Variants in SPEF2 observed in about 807,000 individuals in gnomAD.
The protein encoded by SPEF2 is sperm flagellar and cilia associated 2, also known as sperm flagella and cilia-associated protein 2.
In SPEF2, 187 loss-of-function variants were observed where a neutral mutation model predicts 224.6. That is an observed-to-expected ratio of 0.83 (90% CI 0.74 to 0.94). The LOEUF is 0.94. Among genes scored for constraint, SPEF2 ranks in the 40% least tolerant of loss-of-function variants. SPEF2 has a pLI of 0.00. For missense variants in SPEF2, 2,170 were observed against 2,135.6 expected, an observed-to-expected ratio of 1.02 and a Z score of -0.32; for synonymous variants, 715 against 707.3, an observed-to-expected ratio of 1.01 and a Z score of -0.17.
chr5:35,772,634 G>A (rs553459346), intron 27 of SPEF2, among the ~76,000 whole-genome samples: 1 of 152,188 alleles, frequency 6.6e-6, no homozygotes, highest in East Asian at 1.9e-4. Context: ...GGAAGGAGTG[G>A]GTCAGTGGCA....
chr5:35,731,365 A>C (rs1745614976), intron 21 of SPEF2, among the ~76,000 whole-genome samples: 2 of 152,354 alleles, frequency 1.3e-5, no homozygotes, highest in South Asian at 4.1e-4. Flanking sequence ...AGAAACAGAC[A>C]AGCACACAAA....
chr5:35,760,280 A>G (rs1027930071), intron 25 of SPEF2, among the ~76,000 whole-genome samples: 2 of 151,678 alleles, frequency 1.3e-5, no homozygotes, highest in South Asian at 2.1e-4. Flanking sequence ...GGAGAATGGC[A>G]TGAACCTGGG....
chr5:35,776,743 A>G (rs1186765496), intron 29 of SPEF2, among the ~76,000 whole-genome samples: 1 of 152,192 alleles, frequency 6.6e-6, no homozygotes, highest in Non-Finnish European at 1.5e-5. Flanking sequence ...ATACTTTTCC[A>G]ATGGTAGATT....
chr5:35,673,849 G>C (rs1359418746), intron 10 of SPEF2, among the ~76,000 whole-genome samples: 4 of 152,110 alleles, frequency 2.6e-5, no homozygotes, highest in Non-Finnish European at 2.9e-5. Context: ...TTTAACATGT[G>C]TACGCCTGTC....
intron 23 of SPEF2, among the ~76,000 whole-genome samples, chr5:35,744,446 C>T (rs1377596079): frequency 6.6e-6 from 1 of 152,178 alleles, no homozygotes; most frequent in Admixed American, 6.5e-5. Flanking sequence ...TCAATTATTT[C>T]ATTCCAATCC....
At chr5:35,684,295 A>G (rs1302239217) in intron 10 of SPEF2, among the ~76,000 whole-genome samples, 3 of 151,868 alleles carry the variant, frequency 2.0e-5, no homozygotes, top group Admixed American at 1.3e-4. Context: ...GCTTACCTTG[A>G]CTCAGCCTTT....
intron 20 of SPEF2, among the ~76,000 whole-genome samples, chr5:35,724,398 T>C (rs1744280010): frequency 1.3e-5 from 2 of 152,138 alleles, no homozygotes; most frequent in Admixed American, 1.3e-4. Context: ...TTACCAGAAA[T>C]TTTCCAAAAA....
At chr5:35,695,302 C>T (rs1259768378) in intron 13 of SPEF2, among the ~76,000 whole-genome samples, 1 of 150,622 alleles carries the variant, frequency 6.6e-6, no homozygotes, top group African/African-American at 2.4e-5. Context: ...CTTAAAACAC[C>T]TCTGACTTCT....
intron 6 of SPEF2, 26 bp from the exon 7 acceptor site, chr5:35,654,514 T>A: frequency 6.6e-7 from 1 of 1,515,560 alleles, no homozygotes; most frequent in Non-Finnish European, 8.8e-7. Context: ...TATTTAAAAA[T>A]CTAAAATAAA....
chr5:35,631,485 G>C (rs1745123801), intron 2 of SPEF2, among the ~76,000 whole-genome samples: 2 of 152,160 alleles, frequency 1.3e-5, no homozygotes, highest in African/African-American at 4.8e-5. Context: ...TAAGGACATG[G>C]AGAAATCAAA....
chr5:35,703,972 T>C (rs1468598755), intron 16 of SPEF2, among the ~76,000 whole-genome samples: 1 of 152,170 alleles, frequency 6.6e-6, no homozygotes, highest in Non-Finnish European at 1.5e-5. Flanking sequence ...TTTTTATTTA[T>C]TCTAAATTGG....
At chr5:35,779,600 C>T (rs1041595610) in intron 30 of SPEF2, among the ~76,000 whole-genome samples, 10 of 152,172 alleles carry the variant, frequency 6.6e-5, no homozygotes, top group Non-Finnish European at 8.8e-5. Context: ...CTGTCCTCCC[C>T]GACCCTTGCT....
At chr5:35,701,402 C>T (rs1008495876) in intron 16 of SPEF2, among the ~76,000 whole-genome samples, 4 of 152,082 alleles carry the variant, frequency 2.6e-5, no homozygotes, top group Non-Finnish European at 5.9e-5. Flanking sequence ...GATAACATGG[C>T]TCATTGTATT....
intron 25 of SPEF2, among the ~76,000 whole-genome samples, chr5:35,762,508 G>A (rs187200953): frequency 6.0e-4 from 92 of 152,220 alleles, no homozygotes; most frequent in African/African-American, 2.1e-3. Flanking sequence ...TTTAGGCACG[G>A]TAGACTGTGC....
chr5:35,761,133 G>A (rs1751229176), intron 25 of SPEF2, among the ~76,000 whole-genome samples: 1 of 152,156 alleles, frequency 6.6e-6, no homozygotes, highest in South Asian at 2.1e-4. Context: ...CTCAGTCAAT[G>A]CAGGTGTCAG....
chr5:35,788,726 T>C (rs1297386515), intron 30 of SPEF2: 1 of 703,022 alleles, frequency 1.4e-6, no homozygotes, highest in Non-Finnish European at 2.6e-6. Context: ...GGCCCTACTA[T>C]TAAGAGAAAT....
At chr5:35,709,437 G>A (rs979162132) in intron 19 of SPEF2, 4 of 1,091,942 alleles carry the variant, frequency 3.7e-6, no homozygotes, top group Middle Eastern at 4.1e-4. Flanking sequence ...GAGGATACAC[G>A]TCTGTGTGCT....
intron 32 of SPEF2, among the ~76,000 whole-genome samples, chr5:35,793,613 A>G (rs1485848428): frequency 1.3e-5 from 2 of 152,182 alleles, no homozygotes; most frequent in Admixed American, 6.5e-5. Context: ...TCTTCTCCTG[A>G]GTTCCTAACC....
Position 35,695,829 on chromosome 5 carries a change from A to G in SPEF2, c.2037+33A>G, listed in dbSNP as rs1755232470. On this transcript the variant is annotated intron_variant, in intron 14 of 36. Transcript: ENST00000356031. ...TTATGATCTAATTTTAGCTACTAAC[A>G]TATTAAAACCTGTCATGATTAATGG... 3 of 1,503,284 alleles carry G rather than the reference A, an allele frequency of 2.0e-6. No individual in the cohort carries two copies. The South Asian group carries it at 3.6e-5, about 18-fold the overall frequency. The allele number at this position is 1,503,284 out of a possible 1,614,324, so 93.1% of individuals were successfully genotyped here.
Sources: allele counts gnomAD v4.1 joint callset (sites outside exome capture counted in the v4.1 genomes callset), GRCh38; gene constraint gnomAD v4.1.1; transcripts MANE v1.5; gene names NCBI Gene and HGNC (gene_info 2026-07-23, HGNC 2026-07-21).